The following TRAPPC9 variants were observed in gnomAD, a reference collection of about 807,000 sequenced individuals.
The protein encoded by TRAPPC9 is IKK2 binding protein.
TRAPPC9 carries 83 observed loss-of-function variants against 124.0 expected under a neutral mutation model. The ratio of observed to expected loss-of-function variants is 0.67; its 90% confidence interval spans 0.56 to 0.80. The LOEUF is 0.80. TRAPPC9 is among the 30% of genes least tolerant of loss of function. The probability of loss-of-function intolerance (pLI) is 0.00; values close to 1 mark genes in which losing one functional copy is unlikely to be tolerated. For synonymous variants in TRAPPC9, 638 were observed against 617.5 expected, an observed-to-expected ratio of 1.03 and a Z score of -0.49; for missense variants, 1,302 against 1,508.3, an observed-to-expected ratio of 0.86 and a Z score of 2.27.
chr8:140,052,856 A>G (rs1361139591), intron 17 of TRAPPC9, among the ~76,000 whole-genome samples: 2 of 151,912 alleles, frequency 1.3e-5, no homozygotes, highest in Non-Finnish European at 2.9e-5. Flanking sequence ...CTGGGATAGG[A>G]GAATCTCTTG....
At chr8:140,205,761 C>T (rs1247942699) in intron 17 of TRAPPC9, among the ~76,000 whole-genome samples, 2 of 152,194 alleles carry the variant, frequency 1.3e-5, no homozygotes, top group Non-Finnish European at 2.9e-5. Context: ...CTCCCGCTCA[C>T]CACCCCTCCT....
intron 9 of TRAPPC9, among the ~76,000 whole-genome samples, chr8:140,329,286 G>A (rs560302097): frequency 2.0e-5 from 3 of 152,186 alleles, no homozygotes; most frequent in Non-Finnish European, 2.9e-5. Context: ...GGGTGGATAT[G>A]AGAGAAACAT....
At chr8:140,178,212 G>A (rs2062115023) in intron 17 of TRAPPC9, among the ~76,000 whole-genome samples, 1 of 152,104 alleles carries the variant, frequency 6.6e-6, no homozygotes, top group Non-Finnish European at 1.5e-5. Context: ...ACCGGCCTTA[G>A]GAGGAAAGCA....
intron 17 of TRAPPC9, among the ~76,000 whole-genome samples, chr8:140,111,404 C>G (rs975216854): frequency 6.6e-6 from 1 of 152,212 alleles, no homozygotes; most frequent in Non-Finnish European, 1.5e-5. Context: ...CACCCTAACC[C>G]CATGCTGTGC....
At chr8:139,764,969 G>A (rs550713482) in intron 21 of TRAPPC9, among the ~76,000 whole-genome samples, 44 of 152,064 alleles carry the variant, frequency 2.9e-4, no homozygotes, top group Non-Finnish European at 5.3e-4. Context: ...TCCTACCATC[G>A]TCTCCATCAT....
At chr8:140,202,519 A>G (rs1348076957) in intron 17 of TRAPPC9, among the ~76,000 whole-genome samples, 1 of 152,238 alleles carries the variant, frequency 6.6e-6, no homozygotes, top group Non-Finnish European at 1.5e-5. Context: ...AAAATTTACA[A>G]TAAAAGGCCA....
chr8:140,412,118 C>A (rs1175701721), intron 5 of TRAPPC9, among the ~76,000 whole-genome samples: 1 of 152,186 alleles, frequency 6.6e-6, no homozygotes, highest in Admixed American at 6.5e-5. Context: ...CCATCAGACT[C>A]CACTTTAACC....
chr8:140,209,903 G>A (rs2063016483), intron 17 of TRAPPC9, among the ~76,000 whole-genome samples: 1 of 152,216 alleles, frequency 6.6e-6, no homozygotes, highest in African/African-American at 2.4e-5. Context: ...GAAACAGCGT[G>A]AACTTTGGAT....
intron 17 of TRAPPC9, among the ~76,000 whole-genome samples, chr8:140,094,493 G>A (rs938474071): frequency 6.6e-6 from 1 of 152,122 alleles, no homozygotes; most frequent in South Asian, 2.1e-4. Flanking sequence ...GGTCAGAAAG[G>A]GGAAACGTCT....
chr8:140,036,427 C>T (rs898225177), intron 17 of TRAPPC9, among the ~76,000 whole-genome samples: 2 of 151,956 alleles, frequency 1.3e-5, no homozygotes, highest in African/African-American at 4.8e-5. Flanking sequence ...ACCGACGGTA[C>T]GCTGAGTGGG....
intron 2 of TRAPPC9, 51 bp downstream of exon 2, chr8:140,450,739 C>T: frequency 2.1e-6 from 3 of 1,433,894 alleles, no homozygotes; most frequent in Non-Finnish European, 2.9e-6. Flanking sequence ...CCTGTGCTTT[C>T]CCTTTCTGAT....
At chr8:139,740,558 C>A (rs928514690) in intron 21 of TRAPPC9, among the ~76,000 whole-genome samples, 1 of 152,222 alleles carries the variant, frequency 6.6e-6, no homozygotes, top group South Asian at 2.1e-4. Flanking sequence ...AGAGCAGGTG[C>A]AGCTTTATTT....
Position 140,451,113 on chromosome 8 carries a change from G to C in TRAPPC9, c.261C>G (p.Phe87Leu). The change falls in exon 2 of 23, where the codon TTC (phenylalanine) becomes TTG (leucine). Residue 87 changes from phenylalanine (F) to leucine (L), a missense_variant. Transcript: ENST00000438773. ...VVGLITITDC[F>L]SAKDWPQTFE... ...AGGTCTGTGGCCAGTCCTTGGCCGA[G>C]AAGCAGTCTGTGATGGTGATGAGGC... 1 of 1,614,094 alleles carries C rather than the reference G, an allele frequency of 6.2e-7. No individual in the cohort carries two copies. Among genetic ancestry groups the C allele is most frequent in the Non-Finnish European group, 8.5e-7 (1 of 1,180,004 alleles).
chr8:139,771,712 A>G (rs1351831243), intron 21 of TRAPPC9, among the ~76,000 whole-genome samples: 1 of 152,192 alleles, frequency 6.6e-6, no homozygotes, highest in Non-Finnish European at 1.5e-5. Context: ...GTGGAAGTAG[A>G]ATCTGCGCGT....
chr8:140,434,741 C>T (rs940776892), intron 4 of TRAPPC9, among the ~76,000 whole-genome samples: 5 of 152,002 alleles, frequency 3.3e-5, no homozygotes, highest in Admixed American at 6.6e-5. Context: ...GAGGCCGAGG[C>T]GGGTGGATCA....
intron 18 of TRAPPC9, among the ~76,000 whole-genome samples, chr8:140,014,194 C>T (rs1005860361): frequency 6.6e-6 from 1 of 152,110 alleles, no homozygotes; most frequent in Admixed American, 6.6e-5. Flanking sequence ...GTATTTTCCA[C>T]ATAGATCAGA....
chr8:140,417,982 G>A (rs989136021), intron 5 of TRAPPC9, among the ~76,000 whole-genome samples: 8 of 152,150 alleles, frequency 5.3e-5, no homozygotes, highest in Non-Finnish European at 1.0e-4. Flanking sequence ...AACACCACAT[G>A]TTCTCACTCA....
At chr8:139,990,436 G>C (rs1364375226) in intron 18 of TRAPPC9, among the ~76,000 whole-genome samples, 1 of 152,154 alleles carries the variant, frequency 6.6e-6, no homozygotes, top group African/African-American at 2.4e-5. Flanking sequence ...GACAGGCCCA[G>C]AAGTTCACAC....
chr8:140,451,092 C>T lies in TRAPPC9; in HGVS notation c.282G>A (p.Gln94=). ...TCTGCACGTGGAACTTCTCAAAGGTCTGTGGCCAGTCCTTGGCCGAGAAGC... is the reference window on the plus strand; with the variant it reads ...TCTGCACGTGGAACTTCTCAAAGGTTTGTGGCCAGTCCTTGGCCGAGAAGC... ...TDCFSAKDWP[Q]TFEKFHVQKE... is the part of the protein sequence containing the mutation. The change falls in exon 2 of 23, where the codon CAG becomes CAA. Residue 94 remains glutamine (Q), a synonymous_variant. Transcript: ENST00000438773. The T allele has an allele frequency of 6.2e-7, 1 of 1,614,052 alleles. No individual in the cohort carries two copies. The highest frequency in any genetic ancestry group is 8.5e-7 in the Non-Finnish European group (1 of 1,179,996).
Sources: gnomAD v4.1 joint callset for allele counts (sites outside exome capture counted in the v4.1 genomes callset) on GRCh38, gnomAD v4.1.1 for gene constraint, MANE v1.5 for transcripts, NCBI Gene and HGNC (gene_info 2026-07-23, HGNC 2026-07-21) for gene names.